The following SMURF1 variants were observed in gnomAD, a reference collection of about 807,000 sequenced individuals.
The protein encoded by SMURF1 is SMAD specific E3 ubiquitin protein ligase 1, also known as E3 ubiquitin-protein ligase SMURF1.
In SMURF1, 44 loss-of-function variants were observed where a neutral mutation model predicts 98.0. The ratio of observed to expected loss-of-function variants is 0.45; its 90% CI spans 0.35 to 0.58. The LOEUF is 0.58. Among genes scored for constraint, SMURF1 ranks in the 20% least tolerant of loss-of-function variants. The probability of loss-of-function intolerance (pLI) is 0.00; values close to 1 mark genes in which losing one functional copy is unlikely to be tolerated. For synonymous variants in SMURF1, 396 were observed against 374.9 expected, an observed-to-expected ratio of 1.06 and a Z score of -0.65; for missense variants, 687 against 938.4, an observed-to-expected ratio of 0.73 and a Z score of 3.50.
intron 1 of SMURF1, among the ~76,000 whole-genome samples, chr7:99,072,453 G>C (rs541505454): frequency 6.6e-6 from 1 of 152,158 alleles, no homozygotes; most frequent in South Asian, 2.1e-4. Context: ...AGACCAGCCT[G>C]ACCAACGCAG....
intron 1 of SMURF1, among the ~76,000 whole-genome samples, chr7:99,095,550 CTTA>C (rs1214350136): frequency 1.3e-5 from 2 of 152,140 alleles, no homozygotes; most frequent in Non-Finnish European, 2.9e-5. Context: ...CCACAAGACA[CTTA>C]TTATTTTTAG....
intron 1 of SMURF1, among the ~76,000 whole-genome samples, chr7:99,100,873 T>C (rs1797062464): frequency 6.6e-6 from 1 of 152,178 alleles, no homozygotes; most frequent in Non-Finnish European, 1.5e-5. Flanking sequence ...CAAAGAGAGA[T>C]ACAATAATTC....
intron 3 of SMURF1, among the ~76,000 whole-genome samples, chr7:99,058,707 T>C (rs1421825360): frequency 6.6e-6 from 1 of 152,242 alleles, no homozygotes; most frequent in African/African-American, 2.4e-5. Context: ...ACAGTATAAT[T>C]TGTATTAACT....
chr7:99,079,806 A>G (rs561915635), intron 1 of SMURF1, among the ~76,000 whole-genome samples: 2 of 152,318 alleles, frequency 1.3e-5, no homozygotes, highest in African/African-American at 4.8e-5. Context: ...AAAATACTGT[A>G]TATTAAAATG....
rs118116555 is a variant in SMURF1, at chr7:99,037,954, G to C, written c.1688+434C>G. Reference sequence around the variant, plus strand: ...GCACAGGACAGCGTGGCACACAGACGTGCCCACATAGTTCTCAGCTGCAAG... The same window carrying C: ...GCACAGGACAGCGTGGCACACAGACCTGCCCACATAGTTCTCAGCTGCAAG... On this transcript the variant is annotated intron_variant, in intron 14 of 17. Transcript: ENST00000361368. Among the ~76,000 whole-genome samples the C allele has an allele frequency of 2.6e-5, 4 of 152,318 alleles. No individual in the cohort carries two copies. The East Asian group carries it at 5.8e-4, about 22-fold the overall frequency.
intron 11 of SMURF1, among the ~76,000 whole-genome samples, chr7:99,043,334 G>A (rs1795455198): frequency 6.6e-6 from 1 of 152,168 alleles, no homozygotes; most frequent in African/African-American, 2.4e-5. Context: ...CTGCACATGT[G>A]TAATACACAT....
chr7:99,045,812 A>G lies in SMURF1; in HGVS notation c.1153-11T>C. ...CTGGCGGTAAGACTCCTGAAGAGCA[A>G]CATCACAGTTTCAGAGAGAAGAACA... On this transcript the variant is annotated splice_polypyrimidine_tract_variant and intron_variant, in intron 10 of 17. Transcript: ENST00000361368. 6.3e-7 allele frequency: 1 copy of G among 1,586,722 alleles called. No individual in the cohort carries two copies. Among genetic ancestry groups the G allele is most frequent in the South Asian group, 1.1e-5 (1 of 90,532 alleles).
At chr7:99,038,580 A>G in intron 13 of SMURF1, 55 bp from the exon 14 acceptor site, 6 of 1,583,664 alleles carry the variant, frequency 3.8e-6, no homozygotes, top group Non-Finnish European at 4.3e-6. Context: ...ACGCGGGGCC[A>G]TTGGGTAGAC....
chr7:99,067,236 T>A (rs1796216416), intron 1 of SMURF1, among the ~76,000 whole-genome samples: 1 of 151,722 alleles, frequency 6.6e-6, no homozygotes, highest in African/African-American at 2.4e-5. Context: ...GACCTCATGG[T>A]CCACCCGCCT....
chr7:99,104,706 A>C (rs1457543600), intron 1 of SMURF1, among the ~76,000 whole-genome samples: 2 of 152,250 alleles, frequency 1.3e-5, no homozygotes, highest in Non-Finnish European at 2.9e-5. Context: ...TAATGTATTA[A>C]GATCCCTAGT....
At chr7:99,075,743 CTTA>C (rs922879295) in intron 1 of SMURF1, among the ~76,000 whole-genome samples, 56 of 152,054 alleles carry the variant, frequency 3.7e-4, no homozygotes, top group African/African-American at 1.2e-3. Flanking sequence ...AGGGTTGAGA[CTTA>C]TTATTATTCT....
chr7:99,098,427 A>G (rs566529243), intron 1 of SMURF1, among the ~76,000 whole-genome samples: 64 of 152,364 alleles, frequency 4.2e-4, no homozygotes, highest in Admixed American at 3.3e-3. Context: ...AAGTATGCAT[A>G]TAATAACAAA....
Position 99,037,970 on chromosome 7 carries a change from CAGCTGCAAGTGCCTA to C in SMURF1, c.1688+403_1688+417del, listed in dbSNP as rs371150637. On this transcript the variant is annotated intron_variant, in intron 14 of 17. Transcript: ENST00000361368. ...CACACAGACGTGCCCACATAGTTCT[CAGCTGCAAGTGCCTA>C]GGCCGCAAGTGCCTAGGCCTGAACA... Among the ~76,000 whole-genome samples the C allele has an allele frequency of 6.7e-3, 1,017 of 152,334 alleles. 15 individuals are homozygous for C. The highest frequency in any genetic ancestry group is 0.023 in the African/African-American group (949 of 41,574).
intron 1 of SMURF1, among the ~76,000 whole-genome samples, chr7:99,077,726 C>T (rs1796497322): frequency 6.6e-6 from 1 of 152,072 alleles, no homozygotes; most frequent in Admixed American, 6.6e-5. Context: ...TGATTTCCAC[C>T]ATCAGGCAAC....
At chr7:99,033,750 G>A (rs937021145) in intron 16 of SMURF1, among the ~76,000 whole-genome samples, 4 of 152,208 alleles carry the variant, frequency 2.6e-5, no homozygotes, top group Admixed American at 6.5e-5. Context: ...TGGAATAGAC[G>A]ACTTGCCCAC....
chr7:99,135,086 C>T (rs545735360), intron 1 of SMURF1, among the ~76,000 whole-genome samples: 113 of 152,226 alleles, frequency 7.4e-4, no homozygotes, highest in Non-Finnish European at 1.4e-3. Flanking sequence ...CTTTGAAATG[C>T]TATAATATTT....
chr7:99,139,410 A>G (rs1313244568), intron 1 of SMURF1, among the ~76,000 whole-genome samples: 2 of 152,216 alleles, frequency 1.3e-5, no homozygotes, highest in African/African-American at 4.8e-5. Flanking sequence ...AGGATATCTG[A>G]GAGTATTTCA....
chr7:99,104,991 A>G lies in SMURF1; in HGVS notation c.55+38735T>C, dbSNP rs564500504. 3.3e-4 allele frequency among the ~76,000 whole-genome samples: 50 copies of G among 152,342 alleles called. No homozygotes were observed. In the South Asian group the frequency reaches 6.2e-3, roughly 19 times the overall value. On this transcript the variant is annotated intron_variant, in intron 1 of 17. Transcript: ENST00000361368. Reference sequence around the variant, plus strand: ...TTCCAATTAATTTTCTTAAGCCTAAATGAGCCAAAGTCAGTTTCTGTTGCC... The same window carrying G: ...TTCCAATTAATTTTCTTAAGCCTAAGTGAGCCAAAGTCAGTTTCTGTTGCC...
intron 1 of SMURF1, among the ~76,000 whole-genome samples, chr7:99,103,239 A>G (rs948273652): frequency 2.0e-5 from 3 of 152,150 alleles, no homozygotes; most frequent in Non-Finnish European, 1.5e-5. Flanking sequence ...CTAAACACCT[A>G]TGTATACACC....
Sources: allele counts gnomAD v4.1 joint callset (sites outside exome capture counted in the v4.1 genomes callset), GRCh38; gene constraint gnomAD v4.1.1; transcripts MANE v1.5; gene names NCBI Gene and HGNC (gene_info 2026-07-23, HGNC 2026-07-21).